HSPA12A: variants seen among roughly 807,000 people sequenced by gnomAD.
The protein encoded by HSPA12A is heat shock protein family A (Hsp70) member 12A.
In HSPA12A, 28 loss-of-function variants were observed where a neutral mutation model predicts 69.2. That is an observed-to-expected ratio of 0.40 (90% CI 0.30 to 0.55). The LOEUF is 0.55. Among genes scored for constraint, HSPA12A ranks in the 20% least tolerant of loss-of-function variants. The probability of loss-of-function intolerance (pLI) is 0.38; values close to 1 mark genes in which losing one functional copy is unlikely to be tolerated. For missense variants in HSPA12A, 686 were observed against 900.7 expected (o/e 0.76, Z 3.05); for synonymous variants, 345 against 370.5 (o/e 0.93, Z 0.79).
Position 116,706,019 on chromosome 10 carries a change from C to G in HSPA12A, c.127-741G>C, listed in dbSNP as rs551995701. ...CACGCCCTTCTCCGCCTCAGCCTCC[C>G]GAGTAGCTGGGACTATAGGCACCCG... On this transcript the variant is annotated intron_variant, in intron 2 of 11. Coordinates refer to ENST00000369209, the MANE Select transcript of HSPA12A (RefSeq NM_025015.3). Among the ~76,000 whole-genome samples, 406 of 151,866 alleles carry G rather than the reference C, an allele frequency of 2.7e-3. 3 individuals carry two copies. Among genetic ancestry groups the G allele is most frequent in the African/African-American group, 9.3e-3 (386 of 41,396 alleles).
In HSPA12A at chr10:116,674,629, C is replaced by T; in HGVS notation, c.*152G>A. Reference sequence around the variant, plus strand: ...GACTCCAGTGTGCCCTCAAAAGTCACTAATTATTTCTAGCCCTGATTGTTC... The same window carrying T: ...GACTCCAGTGTGCCCTCAAAAGTCATTAATTATTTCTAGCCCTGATTGTTC... On this transcript the variant is annotated 3_prime_UTR_variant, in exon 12 of 12. Coordinates refer to ENST00000369209, the MANE Select transcript of HSPA12A (RefSeq NM_025015.3). 1 of 747,610 alleles carries T rather than the reference C, an allele frequency of 1.3e-6. No homozygotes were observed. 46.3% of individuals were successfully genotyped at this position (747,610 alleles called of 1,614,324 possible). A position where few individuals can be genotyped will look rare whatever the true frequency, so the allele number is the denominator to read the frequency against.
chr10:116,763,172 C>G (rs1844008809), intron 2 of HSPA12A, among the ~76,000 whole-genome samples: 1 of 152,070 alleles, frequency 6.6e-6, no homozygotes, highest in African/African-American at 2.4e-5. Flanking sequence ...AAGATATACC[C>G]TGGTGTTGGT....
intron 1 of HSPA12A, among the ~76,000 whole-genome samples, chr10:116,738,910 C>T (rs577493326): frequency 8.5e-5 from 13 of 152,270 alleles, no homozygotes; most frequent in Admixed American, 1.3e-4. Flanking sequence ...ACCACCAAGG[C>T]GGCAGACAAG....
Position 116,705,384 on chromosome 10 carries a change from C to T in HSPA12A, c.127-106G>A, listed in dbSNP as rs533165081. On this transcript the variant is annotated intron_variant, in intron 2 of 11. Coordinates refer to ENST00000369209, the MANE Select transcript of HSPA12A (RefSeq NM_025015.3). ...TGCCTAGCTGTGAACCCCCTGCAGA[C>T]AGAAAGACATTCTATATTCCAGCTC... 15 of 1,288,866 alleles carry T rather than the reference C, an allele frequency of 1.2e-5. No individual in the cohort carries two copies. In the East Asian group the frequency reaches 3.5e-4, roughly 30 times the overall value. 79.8% of individuals were successfully genotyped at this position (1,288,866 alleles called of 1,614,324 possible).
intron 2 of HSPA12A, among the ~76,000 whole-genome samples, chr10:116,754,008 G>A (rs1306992338): frequency 1.3e-5 from 2 of 152,230 alleles, no homozygotes; most frequent in Admixed American, 6.5e-5. Context: ...GCCAGGGCAG[G>A]AGCAGCCCTC....
At chr10:116,849,779 C>T (rs750093914), upstream of HSPA12A, 737 of 1,465,196 alleles carry the variant, frequency 5.0e-4, 2 homozygotes, top group South Asian at 1.1e-3. Context: ...CCTCTCCCCC[C>T]GCCCCGCGCT....
intron 2 of HSPA12A, among the ~76,000 whole-genome samples, chr10:116,775,325 G>C (rs1347380317): frequency 1.3e-5 from 2 of 152,138 alleles, no homozygotes; most frequent in Non-Finnish European, 2.9e-5. Context: ...CGGGAGCCTG[G>C]GATTTGAACT....
chr10:116,703,411 G>A (rs1318709839), intron 3 of HSPA12A, among the ~76,000 whole-genome samples: 1 of 151,994 alleles, frequency 6.6e-6, no homozygotes, highest in Non-Finnish European at 1.5e-5. Context: ...GTATGCACCT[G>A]TAGTCTCAGC....
At chr10:116,769,362 G>C (rs1405530588) in intron 2 of HSPA12A, among the ~76,000 whole-genome samples, 1 of 152,188 alleles carries the variant, frequency 6.6e-6, no homozygotes, top group Non-Finnish European at 1.5e-5. Flanking sequence ...CAAAGGCTTA[G>C]AGAAAGTCAA....
At chr10:116,776,264 C>A (rs916229124) in intron 2 of HSPA12A, among the ~76,000 whole-genome samples, 1 of 152,216 alleles carries the variant, frequency 6.6e-6, no homozygotes, top group Non-Finnish European at 1.5e-5. Flanking sequence ...CTGGACGCCC[C>A]CCTCTGCCTC....
At chr10:116,738,028 A>T (rs1851367253) in intron 1 of HSPA12A, among the ~76,000 whole-genome samples, 1 of 152,208 alleles carries the variant, frequency 6.6e-6, no homozygotes, top group Non-Finnish European at 1.5e-5. Context: ...ATTCATTAAA[A>T]GCCCCTGATT....
At chr10:116,791,374 T>C (rs1399252355) in intron 2 of HSPA12A, among the ~76,000 whole-genome samples, 2 of 152,200 alleles carry the variant, frequency 1.3e-5, no homozygotes, top group Admixed American at 6.5e-5. Flanking sequence ...AATAGGTTAT[T>C]ATTCAGGAAA....
intron 2 of HSPA12A, among the ~76,000 whole-genome samples, chr10:116,754,945 T>G (rs1843800406): frequency 6.6e-6 from 1 of 152,100 alleles, no homozygotes; most frequent in South Asian, 2.1e-4. Flanking sequence ...AGAAAACAAC[T>G]ATATTTATCC....
At chr10:116,697,494 C>T (rs758909124) in intron 5 of HSPA12A, among the ~76,000 whole-genome samples, 4 of 152,092 alleles carry the variant, frequency 2.6e-5, no homozygotes, top group Non-Finnish European at 5.9e-5. Context: ...CCACCATTTA[C>T]CCAGTGCTTA....
At chr10:116,762,099 A>C (rs2133103005) in intron 2 of HSPA12A, among the ~76,000 whole-genome samples, 1 of 152,352 alleles carries the variant, frequency 6.6e-6, no homozygotes, top group East Asian at 1.9e-4. Context: ...GCTAGGCTCC[A>C]AATACAGCGT....
intron 2 of HSPA12A, among the ~76,000 whole-genome samples, chr10:116,797,003 G>T (rs1012648893): frequency 1.3e-5 from 2 of 152,132 alleles, no homozygotes. Context: ...CTGCCCCCGG[G>T]AACTCTTCTT....
Position 116,674,783 on chromosome 10 carries a change from A to G in HSPA12A, c.2026T>C (p.Ter676GlnextTer42). 1 of 1,603,326 alleles carries G rather than the reference A, an allele frequency of 6.2e-7. No homozygotes were observed. The highest frequency in any genetic ancestry group is 8.5e-7 in the Non-Finnish European group (1 of 1,174,212). ...VKVGIDFLNY[*>Q] ...GGACAGGCAGCGGGGCGGGAGGGTT[A>G]GTAATTTAAGAAGTCGATCCCAACT... The change falls in exon 12 of 12, where the codon TAA becomes CAA. Residue 676 changes from the stop codon to glutamine, a stop_lost. Transcript: ENST00000369209.
In HSPA12A at chr10:116,679,913, T is replaced by C. The variant is rs573926936; in HGVS notation, c.1028-152A>G. 64 of 677,008 alleles carry C rather than the reference T, an allele frequency of 9.5e-5. No homozygotes were observed. In the East Asian group the frequency reaches 1.5e-3, roughly 16 times the overall value. 41.9% of individuals were successfully genotyped at this position (677,008 alleles called of 1,614,324 possible). A position where few individuals can be genotyped will look rare whatever the true frequency, so the allele number is the denominator to read the frequency against. ...TTACTTACACTTCAGAACCCTGCGC[T>C]GCTTCTCATTCCATGTGGAGAAGCT... On this transcript the variant is annotated intron_variant, in intron 9 of 11. Transcript: ENST00000369209.
chr10:116,742,507 G>T lies in HSPA12A; in HGVS notation c.-38C>A. On this transcript the variant is annotated 5_prime_UTR_variant, in exon 1 of 12. Transcript: ENST00000369209. ...CCGGACCGCGAGGGGAGCCTCCAGCGCAGCGCCCGTGCCCGTGCGGGTCTC... is the reference window on the plus strand; with the variant it reads ...CCGGACCGCGAGGGGAGCCTCCAGCTCAGCGCCCGTGCCCGTGCGGGTCTC... 7.9e-7 allele frequency: 1 copy of T among 1,267,778 alleles called. No homozygotes were observed. The highest frequency in any genetic ancestry group is 2.3e-5 in the South Asian group (1 of 42,870). 78.5% of individuals were successfully genotyped at this position (1,267,778 alleles called of 1,614,324 possible).
Sources: gnomAD v4.1 joint callset for allele counts (sites outside exome capture counted in the v4.1 genomes callset) on GRCh38, gnomAD v4.1.1 for gene constraint, MANE v1.5 for transcripts, NCBI Gene and HGNC (gene_info 2026-07-23, HGNC 2026-07-21) for gene names.